Variants in TEX14 observed in about 807,000 individuals in gnomAD.
TEX14 encodes the protein inactive serine/threonine-protein kinase TEX14.
In TEX14, 168 loss-of-function variants were observed where a neutral mutation model predicts 178.6. The ratio of observed to expected loss-of-function variants is 0.94; its 90% CI spans 0.83 to 1.07. The LOEUF (loss-of-function observed/expected upper bound fraction) is 1.07. Among genes scored for constraint, TEX14 ranks in the 50% least tolerant of loss-of-function variants. The probability of loss-of-function intolerance (pLI) is 0.00; values close to 1 mark genes in which losing one functional copy is unlikely to be tolerated. For synonymous variants in TEX14, 626 were observed against 634.1 expected (o/e 0.99, Z 0.19); for missense variants, 1,730 against 1,753.6 (o/e 0.99, Z 0.24).
chr17:58,596,400 G>T (rs1019542728), intron 14 of TEX14, among the ~76,000 whole-genome samples: 2 of 151,894 alleles, frequency 1.3e-5, no homozygotes, highest in Non-Finnish European at 2.9e-5. Flanking sequence ...TCCCACTTCA[G>T]CCTCCCAAGT....
At chr17:58,636,190 A>G (rs1189595100) in intron 2 of TEX14, among the ~76,000 whole-genome samples, 1 of 152,208 alleles carries the variant, frequency 6.6e-6, no homozygotes, top group African/African-American at 2.4e-5. Context: ...TCCTAATAAA[A>G]AATAACATTT....
intron 28 of TEX14, among the ~76,000 whole-genome samples, chr17:58,563,218 G>C (rs1251203229): frequency 6.6e-6 from 1 of 152,064 alleles, no homozygotes; most frequent in East Asian, 1.9e-4. Context: ...TTCAAGAGAA[G>C]TCAAGAGGCA....
chr17:58,630,342 C>T lies in TEX14; in HGVS notation c.251+98G>A, dbSNP rs1007752280. 18 of 894,228 alleles carry T rather than the reference C, an allele frequency of 2.0e-5. No homozygotes were observed. The African/African-American group carries it at 3.0e-4, about 15-fold the overall frequency. The allele number at this position is 894,228 out of a possible 1,614,324, so 55.4% of individuals were successfully genotyped here. A position where few individuals can be genotyped will look rare whatever the true frequency, so the allele number is the denominator to read the frequency against. On this transcript the variant is annotated intron_variant, in intron 3 of 31. Coordinates refer to ENST00000349033, the MANE Select transcript of TEX14 (RefSeq NM_031272.5). Reference sequence around the variant, plus strand: ...AAGTGCTGGGATTATAGGTATGAGACACCGCACCCGGCCAAACGTTTTTCT... The same window carrying T: ...AAGTGCTGGGATTATAGGTATGAGATACCGCACCCGGCCAAACGTTTTTCT...
At chr17:58,657,856 A>T (rs1340131669) in intron 1 of TEX14, among the ~76,000 whole-genome samples, 1 of 152,192 alleles carries the variant, frequency 6.6e-6, no homozygotes, top group African/African-American at 2.4e-5. Context: ...TAGCCACAAG[A>T]TTAGAAATTA....
chr17:58,645,912 T>C (rs2046696826), intron 2 of TEX14, among the ~76,000 whole-genome samples: 1 of 152,238 alleles, frequency 6.6e-6, no homozygotes, highest in African/African-American at 2.4e-5. Context: ...TCCACCTACC[T>C]ACCCATCTAA....
chr17:58,652,006 T>C lies in TEX14; in HGVS notation c.-1-4A>G. The C allele has an allele frequency of 1.3e-6, 2 of 1,543,120 alleles. No individual in the cohort carries two copies. Among genetic ancestry groups the C allele is most frequent in the South Asian group, 2.5e-5 (2 of 79,028 alleles). ...AAGACGAACAGCCCGAGACATCCTG[T>C]TCCAAAAGAGAGCAATATGCTTATT... On this transcript the variant is annotated splice_polypyrimidine_tract_variant and splice_region_variant and intron_variant, in intron 1 of 31. Coordinates refer to ENST00000349033, the MANE Select transcript of TEX14 (RefSeq NM_031272.5).
chr17:58,628,060 T>C (rs2046190287), intron 3 of TEX14, among the ~76,000 whole-genome samples: 1 of 151,718 alleles, frequency 6.6e-6, no homozygotes. Context: ...GGCTGACCCC[T>C]TTCTCTCCGG....
At chr17:58,647,555 C>G (rs909303066) in intron 2 of TEX14, among the ~76,000 whole-genome samples, 11 of 150,580 alleles carry the variant, frequency 7.3e-5, no homozygotes, top group African/African-American at 2.7e-4. Context: ...TGGATTCTGC[C>G]TGAGATGCCT....
chr17:58,601,830 C>T lies in TEX14; in HGVS notation c.1654G>A (p.Glu552Lys). The T allele has an allele frequency of 6.2e-7, 1 of 1,613,158 alleles. No individual in the cohort carries two copies. Among genetic ancestry groups the T allele is most frequent in the Non-Finnish European group, 8.5e-7 (1 of 1,179,960 alleles). The stretch of plus-strand genomic sequence containing the variant: ...CCCATTTCCTTTAGTTCTATGATTT[C>T]CATGTCAGGTGTCTCTCTGGGGTGT... ...SEHPRETPDM[E>K]IIELKEMGSQ... Residue 552 changes from glutamate to lysine, a missense_variant, in exon 13 of 32, where the codon GAA becomes AAA. Coordinates refer to ENST00000349033, the MANE Select transcript of TEX14 (RefSeq NM_031272.5).
In TEX14 at chr17:58,569,698, G is replaced by C. The variant is rs2044478148; in HGVS notation, c.3818-438C>G. The stretch of plus-strand genomic sequence containing the variant: ...GGGGATTTAGAGGCAACCACACTTT[G>C]GGTCTTGCCCCAAGTGCTCAATTAT... On this transcript the variant is annotated intron_variant, in intron 25 of 31. Coordinates refer to ENST00000349033, the MANE Select transcript of TEX14 (RefSeq NM_031272.5). This position sits in a 1 kb window ranked among gnomAD's most constrained non-coding sequence, Gnocchi z 4.1. Among the ~76,000 whole-genome samples the C allele has an allele frequency of 6.6e-6, 1 of 152,170 alleles. No individual in the cohort carries two copies. Among genetic ancestry groups the C allele is most frequent in the Non-Finnish European group, 1.5e-5 (1 of 68,038 alleles).
intron 2 of TEX14, 136 bp downstream of exon 2, chr17:58,651,730 G>A (rs1035986928): frequency 3.6e-5 from 30 of 837,170 alleles, no homozygotes; most frequent in Non-Finnish European, 1.8e-6. Flanking sequence ...TGCACTGCTA[G>A]AGAACATCTA....
chr17:58,592,725 G>C (rs547709295), intron 15 of TEX14, among the ~76,000 whole-genome samples: 55 of 152,158 alleles, frequency 3.6e-4, no homozygotes, highest in African/African-American at 1.1e-3. Context: ...TTTTAGTAGA[G>C]ACGGGGTTTC....
chr17:58,660,490 G>A (rs757416128), intron 1 of TEX14: 1 of 698,830 alleles, frequency 1.4e-6, no homozygotes, highest in Non-Finnish European at 2.6e-6. Context: ...TTACACAGCT[G>A]TAGGGGAGCT....
chr17:58,635,462 C>T (rs371785467), intron 2 of TEX14, among the ~76,000 whole-genome samples: 38 of 145,722 alleles, frequency 2.6e-4, no homozygotes, highest in East Asian at 1.4e-3. Flanking sequence ...CAGAGTCTCA[C>T]TCCGTAGCCC....
Position 58,556,901 on chromosome 17 carries a change from C to A in TEX14, c.*110G>T. The A allele has an allele frequency of 1.1e-6, 1 of 887,406 alleles. No individual in the cohort carries two copies. The highest frequency in any genetic ancestry group is 1.9e-6 in the Non-Finnish European group (1 of 527,250). 55.0% of individuals were successfully genotyped at this position (887,406 alleles called of 1,614,324 possible). A position where few individuals can be genotyped will look rare whatever the true frequency, so the allele number is the denominator to read the frequency against. On this transcript the variant is annotated 3_prime_UTR_variant, in exon 32 of 32. Transcript: ENST00000349033. The stretch of plus-strand genomic sequence containing the variant: ...TGGCAGCTGAACAAAGTGAGACTTA[C>A]AGAACTGGAACTGCTGCCCTGACAG...
In TEX14 at chr17:58,622,921, G is replaced by A; in HGVS notation, c.343C>T (p.Leu115=). Residue 115 remains leucine (L), a synonymous_variant, in exon 4 of 32, where the codon CTG becomes TTG. Coordinates refer to ENST00000349033, the MANE Select transcript of TEX14 (RefSeq NM_031272.5). ...TGACCCCTCTCATCGTGGAGTCGCA[G>A]GTCACCTCCTGCATCCAGCAGTTTG... ...LSKLLDAGGD[L]RLHDERGQNP... 6.2e-7 allele frequency: 1 copy of A among 1,613,342 alleles called. No individual in the cohort carries two copies.
chr17:58,665,761 T>C (rs80115063), intron 1 of TEX14, among the ~76,000 whole-genome samples: 1 of 147,832 alleles, frequency 6.8e-6, no homozygotes, highest in Non-Finnish European at 1.5e-5. Flanking sequence ...AAAAAAAAAA[T>C]AAGGCTGGGC....
chr17:58,593,027 ATAT>A (rs1406207806), intron 15 of TEX14, among the ~76,000 whole-genome samples: 2 of 152,074 alleles, frequency 1.3e-5, no homozygotes, highest in Non-Finnish European at 2.9e-5. Flanking sequence ...GTGTATGAAT[ATAT>A]TATATATACA....
At chr17:58,691,441 G>A (rs1001373444) in intron 1 of TEX14, among the ~76,000 whole-genome samples, 4 of 151,858 alleles carry the variant, frequency 2.6e-5, no homozygotes, top group African/African-American at 7.2e-5. Context: ...GGCCGAGGCA[G>A]GCGGATCACG....
Sources: gnomAD v4.1 joint callset for allele counts (sites outside exome capture counted in the v4.1 genomes callset) on GRCh38, gnomAD v4.1.1 for gene constraint, Gnocchi (gnomAD v3.1) non-coding constraint, MANE v1.5 for transcripts, NCBI Gene and HGNC (gene_info 2026-07-23, HGNC 2026-07-21) for gene names.